The following KIF26B variants were observed in gnomAD, a reference collection of about 807,000 sequenced individuals.
KIF26B encodes the protein kinesin family member 26B.
A neutral mutation model predicts 151.2 loss-of-function variants in KIF26B; 63 were observed. The ratio of observed to expected loss-of-function variants is 0.42; its 90% CI spans 0.34 to 0.51. KIF26B has a LOEUF of 0.51. Ranked by LOEUF, KIF26B falls within the 20% of genes least tolerant of loss-of-function variation. The probability of loss-of-function intolerance (pLI) is 0.07; values close to 1 mark genes in which losing one functional copy is unlikely to be tolerated. For synonymous variants in KIF26B, 1,357 were observed against 1,262.1 expected (o/e 1.08, Z -1.59); for missense variants, 2,813 against 2,913.6 (o/e 0.97, Z 0.79).
intron 2 of KIF26B, among the ~76,000 whole-genome samples, chr1:245,245,905 G>C (rs1419066869): frequency 1.1e-4 from 15 of 138,964 alleles, no homozygotes; most frequent in Admixed American, 7.8e-5. Context: ...CAGCCTGGGT[G>C]ACAGAGTAAG....
Position 245,607,712 on chromosome 1 carries a change from G to T in KIF26B, c.1619G>T (p.Gly540Val). ...CAGTCTGTGGTCAACGGGGCAGATG[G>T]CTGCGTGTTCTGTTTCGGCCACGCC... Reference protein sequence around the residue: ...VIQSVVNGADGCVFCFGHAKL... With the variant: ...VIQSVVNGADVCVFCFGHAKL... The change falls in exon 7 of 15, where the codon GGC becomes GTC. Residue 540 changes from glycine (G) to valine (V), a missense_variant. Coordinates refer to ENST00000407071, the MANE Select transcript of KIF26B (RefSeq NM_018012.4). The T allele has an allele frequency of 6.2e-7, 1 of 1,613,102 alleles. No individual in the cohort carries two copies. Among genetic ancestry groups the T allele is most frequent in the Non-Finnish European group, 8.5e-7 (1 of 1,179,548 alleles).
At chr1:245,645,973 T>A (rs2043941193) in intron 9 of KIF26B, 148 bp from the exon 10 acceptor site, 2 of 769,620 alleles carry the variant, frequency 2.6e-6, no homozygotes, top group East Asian at 5.4e-5. Flanking sequence ...CCAGCGTGAT[T>A]TTTCTGGGGT....
intron 9 of KIF26B, among the ~76,000 whole-genome samples, chr1:245,636,142 A>G (rs1469329357): frequency 1.3e-5 from 2 of 152,068 alleles, no homozygotes; most frequent in Non-Finnish European, 2.9e-5. Context: ...ATTTGATAGT[A>G]TTGTTCAAAT....
intron 2 of KIF26B, among the ~76,000 whole-genome samples, chr1:245,340,243 A>T (rs1672309540): frequency 6.6e-6 from 1 of 152,344 alleles, no homozygotes; most frequent in African/African-American, 2.4e-5. Context: ...CGTATAACCC[A>T]GGTACGTCCT....
At chr1:245,629,463 C>G (rs780275844) in intron 9 of KIF26B, among the ~76,000 whole-genome samples, 3 of 152,198 alleles carry the variant, frequency 2.0e-5, no homozygotes, top group Non-Finnish European at 4.4e-5. Context: ...ACAATCTGAT[C>G]TTCGACAAAC....
rs1660973733 is a variant in KIF26B, at chr1:245,516,649, G to C, written c.1167-24118G>C. Reference sequence around the variant, plus strand: ...GGTGGGGGTGGAGATGTGGGGTGAAGTAATGAGCCCGCAAGGCCTGTCTGT... The same window carrying C: ...GGTGGGGGTGGAGATGTGGGGTGAACTAATGAGCCCGCAAGGCCTGTCTGT... On this transcript the variant is annotated intron_variant, in intron 4 of 14. Coordinates refer to ENST00000407071, the MANE Select transcript of KIF26B (RefSeq NM_018012.4). This position sits in a 1 kb window ranked among gnomAD's most constrained non-coding sequence, Gnocchi z 4.2. Among the ~76,000 whole-genome samples, 1 of 152,170 alleles carries C rather than the reference G, an allele frequency of 6.6e-6. No homozygotes were observed.
chr1:245,212,106 C>T (rs1573711170), intron 2 of KIF26B, among the ~76,000 whole-genome samples: 1 of 152,214 alleles, frequency 6.6e-6, no homozygotes, highest in African/African-American at 2.4e-5. Context: ...ACAACACTGC[C>T]TGCTTGGGAT....
chr1:245,461,260 C>T (rs1659639080), intron 4 of KIF26B, among the ~76,000 whole-genome samples: 1 of 152,054 alleles, frequency 6.6e-6, no homozygotes, highest in South Asian at 2.1e-4. Flanking sequence ...ACTGATTCTG[C>T]TTCTGCTTTC....
chr1:245,705,117 A>C lies in KIF26B; in HGVS notation c.*2511A>C, dbSNP rs1353417977. On this transcript the variant is annotated 3_prime_UTR_variant, in exon 15 of 15. Coordinates refer to ENST00000407071, the MANE Select transcript of KIF26B (RefSeq NM_018012.4). ...AATCTGCTTTTATCCATTTGTAGCA[A>C]CTTTATGCTGTAACAAAAGGCGGAA... 1 of 152,084 alleles carries C rather than the reference A, an allele frequency of 6.6e-6. No homozygotes were observed. Among genetic ancestry groups the C allele is most frequent in the Non-Finnish European group, 1.5e-5 (1 of 68,022 alleles). The allele number at this position is 152,084 out of a possible 1,614,324, so 9.4% of individuals were successfully genotyped here.
chr1:245,475,116 G>A (rs1006007609), intron 4 of KIF26B, among the ~76,000 whole-genome samples: 2 of 151,768 alleles, frequency 1.3e-5, no homozygotes, highest in African/African-American at 4.8e-5. Context: ...GAAAAACTCT[G>A]ACAAACAGCT....
chr1:245,412,261 A>T (rs1409155302), intron 3 of KIF26B, among the ~76,000 whole-genome samples: 1 of 152,244 alleles, frequency 6.6e-6, no homozygotes. Flanking sequence ...ATAGCAATAA[A>T]AGATGTCCCA....
intron 5 of KIF26B, among the ~76,000 whole-genome samples, chr1:245,578,720 G>A (rs1285657891): frequency 2.6e-5 from 4 of 152,190 alleles, no homozygotes; most frequent in African/African-American, 4.8e-5. Context: ...GGATGGAGCC[G>A]ATTTTAACAT....
intron 2 of KIF26B, among the ~76,000 whole-genome samples, chr1:245,277,607 G>A (rs1008780989): frequency 1.3e-5 from 2 of 152,050 alleles, no homozygotes; most frequent in African/African-American, 4.8e-5. Flanking sequence ...GATTAATATA[G>A]GATTTTGTTT....
At chr1:245,458,255 G>A (rs1659581405) in intron 4 of KIF26B, among the ~76,000 whole-genome samples, 1 of 152,166 alleles carries the variant, frequency 6.6e-6, no homozygotes, top group Non-Finnish European at 1.5e-5. Flanking sequence ...CCCAGGCTGT[G>A]CTCTAGGTGC....
rs182670893 is a variant in KIF26B, at chr1:245,661,071, C to T, written c.2258+14791C>T. Among the ~76,000 whole-genome samples the T allele has an allele frequency of 4.6e-5, 7 of 151,570 alleles. No individual in the cohort carries two copies. The East Asian group carries it at 1.4e-3, about 30-fold the overall frequency. ...GCATGATCTTGGCTCACTGCAACCT[C>T]TGTCTTCTGGGTTCAAGTGATTCTC... On this transcript the variant is annotated intron_variant, in intron 10 of 14. Coordinates refer to ENST00000407071, the MANE Select transcript of KIF26B (RefSeq NM_018012.4).
At chr1:245,559,464 G>A (rs1389738218) in intron 5 of KIF26B, among the ~76,000 whole-genome samples, 1 of 152,064 alleles carries the variant, frequency 6.6e-6, no homozygotes, top group African/African-American at 2.4e-5. Context: ...CCACGTTGGT[G>A]TGCAGTGGTG....
At chr1:245,233,640 A>T (rs567004950) in intron 2 of KIF26B, among the ~76,000 whole-genome samples, 18 of 152,122 alleles carry the variant, frequency 1.2e-4, no homozygotes, top group Non-Finnish European at 2.4e-4. Context: ...TTCTCCCTAC[A>T]CACACTTAAA....
At chr1:245,210,460 T>C (rs1417235603) in intron 2 of KIF26B, among the ~76,000 whole-genome samples, 1 of 151,798 alleles carries the variant, frequency 6.6e-6, no homozygotes, top group Non-Finnish European at 1.5e-5. Flanking sequence ...GTGGTAAATA[T>C]AATCTTTTGG....
At chr1:245,374,128 T>G (rs1673214451) in intron 3 of KIF26B, among the ~76,000 whole-genome samples, 2 of 83,576 alleles carry the variant, frequency 2.4e-5, no homozygotes, top group Admixed American at 1.7e-4. Flanking sequence ...TATATATATA[T>G]ATATATATAT....
Sources: allele counts gnomAD v4.1 joint callset (sites outside exome capture counted in the v4.1 genomes callset), GRCh38; gene constraint gnomAD v4.1.1; non-coding constraint Gnocchi (gnomAD v3.1); transcripts MANE v1.5; gene names NCBI Gene and HGNC (gene_info 2026-07-23, HGNC 2026-07-21).